The following XRN1 variants were observed in gnomAD, a reference collection of about 807,000 sequenced individuals.
The protein encoded by XRN1 is 5'-3' exoribonuclease 1.
In XRN1, 67 loss-of-function variants were observed where a neutral mutation model predicts 222.3. That is an observed-to-expected ratio of 0.30 (90% CI 0.25 to 0.37). The LOEUF is 0.37. XRN1 is among the 10% of genes least tolerant of loss of function. The pLI, the probability that XRN1 is intolerant of heterozygous loss-of-function variation, is 1.00. For missense variants in XRN1, 1,707 were observed against 2,000.2 expected (o/e 0.85, Z 2.80); for synonymous variants, 643 against 652.4 (o/e 0.99, Z 0.22).
intron 21 of XRN1, among the ~76,000 whole-genome samples, chr3:142,384,058 C>T (rs2067401334): frequency 6.6e-6 from 1 of 151,928 alleles, no homozygotes; most frequent in South Asian, 2.1e-4. Context: ...ATCACGAGGT[C>T]AGGAGATTGA....
In XRN1 at chr3:142,418,596, ATCT is replaced by A. The variant is rs769149345; in HGVS notation, c.1251_1253del (p.Glu417del). 4 of 1,591,744 alleles carry A rather than the reference ATCT, an allele frequency of 2.5e-6. No homozygotes were observed. Among genetic ancestry groups the A allele is most frequent in the Middle Eastern group, 1.7e-4 (1 of 5,948 alleles). On this transcript the variant is annotated inframe_deletion, in exon 12 of 41. Transcript: ENST00000392981. ...CAAATAGGTCATCATCTTCAGTCTCATCTTCTAAATTATCTGGGGAAAAAAGTC... is the reference window on the plus strand; with the variant it reads ...CAAATAGGTCATCATCTTCAGTCTCATCTAAATTATCTGGGGAAAAAAGTC...
In XRN1 at chr3:142,308,222, T is replaced by TA. The variant is rs2065007296; in HGVS notation, c.*3288dup. On this transcript the variant is annotated 3_prime_UTR_variant, in exon 41 of 41. Transcript: ENST00000392981. ...TATCTATTTCCTTGTGCTAGAAAGATACGGTATAGTCCAAAAATGCAGTGA... is the reference window on the plus strand; with the variant it reads ...TATCTATTTCCTTGTGCTAGAAAGATAACGGTATAGTCCAAAAATGCAGTGA... The TA allele has an allele frequency of 6.6e-6, 1 of 152,238 alleles. No individual in the cohort carries two copies. The highest frequency in any genetic ancestry group is 1.5e-5 in the Non-Finnish European group (1 of 68,028). 9.4% of individuals were successfully genotyped at this position (152,238 alleles called of 1,614,324 possible).
Position 142,447,317 on chromosome 3 carries a change from T to C in XRN1, c.75+553A>G, listed in dbSNP as rs773186995. On this transcript the variant is annotated intron_variant, in intron 1 of 40. Transcript: ENST00000392981. The surrounding 1 kb of genome is among the most constrained non-coding windows in gnomAD (Gnocchi z 4.2). ...CAGGGGATTGGTGCTGCTTTTGAAATAACAGAAAGTAACAAAAGGCATCAC... is the reference window on the plus strand; with the variant it reads ...CAGGGGATTGGTGCTGCTTTTGAAACAACAGAAAGTAACAAAAGGCATCAC... 4.6e-5 allele frequency among the ~76,000 whole-genome samples: 7 copies of C among 152,116 alleles called. No individual in the cohort carries two copies. Among genetic ancestry groups the C allele is most frequent in the Non-Finnish European group, 1.0e-4 (7 of 68,020 alleles).
chr3:142,384,764 A>G, intron 20 of XRN1, 79 bp from the exon 21 acceptor site: 1 of 1,121,084 alleles, frequency 8.9e-7, no homozygotes, highest in Non-Finnish European at 1.2e-6. Flanking sequence ...CAACTATCGT[A>G]AACTATCAAC....
chr3:142,324,301 T>C (rs1221134367), intron 37 of XRN1, among the ~76,000 whole-genome samples: 1 of 138,370 alleles, frequency 7.2e-6, no homozygotes, highest in Non-Finnish European at 1.5e-5. Context: ...TGTGTCCATG[T>C]GTTCTCACTG....
intron 20 of XRN1, among the ~76,000 whole-genome samples, chr3:142,393,110 G>A (rs1451703054): frequency 6.7e-6 from 1 of 150,336 alleles, no homozygotes; most frequent in South Asian, 2.1e-4. Flanking sequence ...TTTTTTGGCT[G>A]CATAAATGTC....
chr3:142,400,434 T>C lies in XRN1; in HGVS notation c.2207+10A>G. 6.3e-7 allele frequency: 1 copy of C among 1,581,180 alleles called. No homozygotes were observed. ...TATGTTAGAAAAATTATAAATCAAA[T>C]CTTACTTACTTAGTTTCTCCATCTG... On this transcript the variant is annotated intron_variant, in intron 19 of 40. Transcript: ENST00000392981.
In XRN1 at chr3:142,306,771, A is replaced by C. The variant is rs1283735844; in HGVS notation, c.*4740T>G. On this transcript the variant is annotated 3_prime_UTR_variant, in exon 41 of 41. Transcript: ENST00000392981. ...GGATAACGTAACACCACAAAAATACATTCGGAGTCCATTCCAATGCAAGTT... is the reference window on the plus strand; with the variant it reads ...GGATAACGTAACACCACAAAAATACCTTCGGAGTCCATTCCAATGCAAGTT... 6.6e-6 allele frequency: 1 copy of C among 152,666 alleles called. No homozygotes were observed. The highest frequency in any genetic ancestry group is 2.4e-5 in the African/African-American group (1 of 41,454). 9.5% of individuals were successfully genotyped at this position (152,666 alleles called of 1,614,324 possible).
intron 21 of XRN1, among the ~76,000 whole-genome samples, chr3:142,384,008 C>T (rs1163556891): frequency 5.3e-5 from 8 of 151,722 alleles, no homozygotes; most frequent in Non-Finnish European, 5.9e-5. Context: ...CAGTGGCTCA[C>T]GCCTGTAATC....
intron 36 of XRN1, among the ~76,000 whole-genome samples, chr3:142,329,943 C>T (rs1373451626): frequency 2.0e-5 from 3 of 152,152 alleles, no homozygotes; most frequent in Non-Finnish European, 4.4e-5. Flanking sequence ...AAAGATGAGT[C>T]TTCCATGAAG....
chr3:142,395,398 A>G (rs1372380401), intron 20 of XRN1, among the ~76,000 whole-genome samples: 1 of 152,240 alleles, frequency 6.6e-6, no homozygotes, highest in Non-Finnish European at 1.5e-5. Flanking sequence ...ATTGGCAGGC[A>G]CTAGAAACTA....
intron 33 of XRN1, among the ~76,000 whole-genome samples, chr3:142,346,055 CAT>C (rs540131136): frequency 1.4e-3 from 220 of 152,320 alleles, no homozygotes; most frequent in Non-Finnish European, 2.6e-3. Context: ...GAACTGAAAA[CAT>C]ATGTTCACAC....
At chr3:142,324,413 AAGGAC>A (rs2107888239) in intron 37 of XRN1, among the ~76,000 whole-genome samples, 1 of 152,120 alleles carries the variant, frequency 6.6e-6, no homozygotes, top group Admixed American at 6.5e-5. Flanking sequence ...TGTCCCTACA[AAGGAC>A]ATGAACTCAT....
At chr3:142,340,420 C>T (rs375348507) in intron 33 of XRN1, among the ~76,000 whole-genome samples, 15 of 150,846 alleles carry the variant, frequency 9.9e-5, no homozygotes, top group African/African-American at 3.2e-4. Flanking sequence ...AGCACGTCTA[C>T]GAGATCTAGA....
intron 37 of XRN1, among the ~76,000 whole-genome samples, chr3:142,320,931 C>T (rs1232113507): frequency 6.6e-6 from 1 of 151,998 alleles, no homozygotes; most frequent in Non-Finnish European, 1.5e-5. Context: ...GAAGCTTCTG[C>T]CCTAAGTTTT....
At position 142,347,817 on chromosome 3, in the gene XRN1, C is replaced by T. The variant is rs113749629; in HGVS notation, c.3769-475G>A. Among the ~76,000 whole-genome samples, 776 of 151,836 alleles carry T rather than the reference C, an allele frequency of 5.1e-3. 9 individuals are homozygous for T. The highest frequency in any genetic ancestry group is 0.018 in the African/African-American group (754 of 41,404). On this transcript the variant is annotated intron_variant, in intron 32 of 40. Transcript: ENST00000392981. Reference sequence around the variant, plus strand: ...TTCACCATGTTGGTCACGGTGGTCTCAAACTCCTGGCCTTAAGCAATTCTC... The same window carrying T: ...TTCACCATGTTGGTCACGGTGGTCTTAAACTCCTGGCCTTAAGCAATTCTC...
At chr3:142,381,134 T>A (rs563837356) in intron 22 of XRN1, among the ~76,000 whole-genome samples, 17 of 151,088 alleles carry the variant, frequency 1.1e-4, no homozygotes, top group Admixed American at 2.0e-4. Flanking sequence ...AGAAAAAAAA[T>A]TTATCCAGAT....
intron 27 of XRN1, among the ~76,000 whole-genome samples, chr3:142,368,106 A>G (rs1173717050): frequency 6.6e-6 from 1 of 150,502 alleles, no homozygotes; most frequent in East Asian, 1.9e-4. Flanking sequence ...ATATATAAAT[A>G]TGTATTTATA....
chr3:142,374,690 G>A (rs1383607177), intron 25 of XRN1, among the ~76,000 whole-genome samples: 1 of 152,060 alleles, frequency 6.6e-6, no homozygotes, highest in East Asian at 1.9e-4. Context: ...ATGTCAAGTT[G>A]AAAAATTAAG....
Sources: allele counts gnomAD v4.1 joint callset (sites outside exome capture counted in the v4.1 genomes callset), GRCh38; gene constraint gnomAD v4.1.1; non-coding constraint Gnocchi (gnomAD v3.1); transcripts MANE v1.5; gene names NCBI Gene and HGNC (gene_info 2026-07-23, HGNC 2026-07-21).